The following PCDHA3 variants were observed in gnomAD, a reference collection of about 807,000 sequenced individuals.
PCDHA3 encodes the protein protocadherin alpha-3.
PCDHA3 carries 41 observed loss-of-function variants against 62.2 expected under a neutral mutation model. The ratio of observed to expected loss-of-function variants is 0.66; its 90% CI spans 0.51 to 0.86. The LOEUF is 0.86. Among genes scored for constraint, PCDHA3 ranks in the 40% least tolerant of loss-of-function variants. PCDHA3 has a pLI of 0.00. For synonymous variants in PCDHA3, 640 were observed against 555.4 expected, an observed-to-expected ratio of 1.15 and a Z score of -2.14; for missense variants, 1,304 against 1,241.2, an observed-to-expected ratio of 1.05 and a Z score of -0.76.
At chr5:140,887,679 C>G (rs2061539498) in intron 1 of PCDHA3, among the ~76,000 whole-genome samples, 1 of 152,058 alleles carries the variant, frequency 6.6e-6, no homozygotes, top group East Asian at 1.9e-4. Flanking sequence ...TCATTTTCAT[C>G]AAATTCAGGA....
At chr5:140,871,080 G>T (rs1554165086) in intron 1 of PCDHA3, 2 of 1,613,094 alleles carry the variant, frequency 1.2e-6, no homozygotes, top group Admixed American at 1.7e-5. Context: ...CGGCGCTGAC[G>T]GCCACGGCCA....
In PCDHA3 at chr5:140,858,343, G is replaced by A. The variant is rs1554151440; in HGVS notation, c.2394+54752G>A. On this transcript the variant is annotated intron_variant, in intron 1 of 3. Coordinates refer to ENST00000522353, the MANE Select transcript of PCDHA3 (RefSeq NM_018906.3). ...GTTCTGGGGAGGGCCTGCCCAAGGC[G>A]GACCTCATGGCCTTCAGCCCCAGCC... 9 of 1,594,924 alleles carry A rather than the reference G, an allele frequency of 5.6e-6. 1 individual carries two copies. The highest frequency in any genetic ancestry group is 6.9e-6 in the Non-Finnish European group (8 of 1,165,636).
chr5:140,806,081 A>G (rs1763681321), intron 1 of PCDHA3, among the ~76,000 whole-genome samples: 1 of 152,236 alleles, frequency 6.6e-6, no homozygotes, highest in Admixed American at 6.5e-5. Context: ...CAGTTTGTAA[A>G]AGAAGAAAAA....
Position 140,802,979 on chromosome 5 carries a change from G to A in PCDHA3, c.1782G>A (p.Val594=). 1 of 1,614,042 alleles carries A rather than the reference G, an allele frequency of 6.2e-7. No individual in the cohort carries two copies. The highest frequency in any genetic ancestry group is 8.5e-7 in the Non-Finnish European group (1 of 1,179,940). Residue 594 remains valine, a synonymous_variant, in exon 1 of 4, where the codon GTG becomes GTA. Coordinates refer to ENST00000522353, the MANE Select transcript of PCDHA3 (RefSeq NM_018906.3). ...SVGAGHVVAK[V]RAVDADSGYN... ...GTGCGGGCCACGTGGTAGCGAAGGT[G>A]CGCGCAGTGGATGCAGACTCAGGCT...
Position 140,808,605 on chromosome 5 carries a change from A to G in PCDHA3, c.2394+5014A>G, listed in dbSNP as rs1554124653. On this transcript the variant is annotated intron_variant, in intron 1 of 3. Coordinates refer to ENST00000522353, the MANE Select transcript of PCDHA3 (RefSeq NM_018906.3). ...AAGGAGAACAACCCGCCGGGCTGCC[A>G]CATCTTCACTGTGTCTGCGTGGGAC... 1 of 1,613,752 alleles carries G rather than the reference A, an allele frequency of 6.2e-7. No individual in the cohort carries two copies. The highest frequency in any genetic ancestry group is 2.2e-5 in the East Asian group (1 of 44,894).
rs782437392 is a variant in PCDHA3, at chr5:140,802,052, G to A, written c.855G>A (p.Met285Ile). 42 of 1,614,064 alleles carry A rather than the reference G, an allele frequency of 2.6e-5. No individual in the cohort carries two copies. The highest frequency in any genetic ancestry group is 3.3e-4 in the Middle Eastern group (2 of 6,084). ...TCGCGTATTCTTTCAATACGGACATGTCAGCAGATATTCTGTCAAAATTCC... is the reference window on the plus strand; with the variant it reads ...TCGCGTATTCTTTCAATACGGACATATCAGCAGATATTCTGTCAAAATTCC... ...KDIAYSFNTD[M>I]SADILSKFHL... is the part of the protein sequence containing the mutation. Residue 285 changes from methionine (M) to isoleucine (I), a missense_variant, in exon 1 of 4, where the codon ATG (methionine) becomes ATA (isoleucine). Transcript: ENST00000522353.
rs1762706585 is a variant in PCDHA3 at position 140,801,430 on chromosome 5, A to T, written c.233A>T (p.Asn78Ile). 4 of 1,613,746 alleles carry T rather than the reference A, an allele frequency of 2.5e-6. No individual in the cohort carries two copies. The highest frequency in any genetic ancestry group is 3.4e-6 in the Non-Finnish European group (4 of 1,180,046). Residue 78 changes from asparagine to isoleucine, a missense_variant, in exon 1 of 4, where the codon AAT (asparagine) becomes ATT (isoleucine). Physicochemically the swap from Asn to Ile is moderately radical, Grantham distance 149. Transcript: ENST00000522353. ...AGACACGGGGACCTTCTGGAGGTAA[A>T]TCTGCAGAATGGCATTTTGTTTGTG... Reference protein sequence around the residue: ...SKRHGDLLEVNLQNGILFVNS... With the variant: ...SKRHGDLLEVILQNGILFVNS...
chr5:140,950,708 T>A (rs1554219597), intron 1 of PCDHA3, among the ~76,000 whole-genome samples: 1 of 152,068 alleles, frequency 6.6e-6, no homozygotes, highest in East Asian at 1.9e-4. Context: ...AAATTTTTGT[T>A]CCTTATATCC....
At chr5:140,828,799 T>A in intron 1 of PCDHA3, 1 of 1,614,228 alleles carries the variant, frequency 6.2e-7, no homozygotes, top group Non-Finnish European at 8.5e-7. Flanking sequence ...TGGATGTGAA[T>A]GATAATGCTC....
intron 1 of PCDHA3, among the ~76,000 whole-genome samples, chr5:140,901,970 G>T (rs1178784932): frequency 1.3e-5 from 2 of 151,954 alleles, no homozygotes; most frequent in Non-Finnish European, 2.9e-5. Context: ...TCGTAAATGG[G>T]ATTACTTTTT....
At chr5:140,967,909 C>A in intron 1 of PCDHA3, 1 of 1,614,206 alleles carries the variant, frequency 6.2e-7, no homozygotes, top group Non-Finnish European at 8.5e-7. Flanking sequence ...CTACACCCAA[C>A]ACCATTGTGG....
At chr5:140,828,295 C>CA in intron 1 of PCDHA3, 1 of 1,614,124 alleles carries the variant, frequency 6.2e-7, no homozygotes, top group Non-Finnish European at 8.5e-7. Context: ...GGATGGCCTC[C>CA]AAAGACCGCG....
chr5:140,939,811 A>G (rs1554212933), intron 1 of PCDHA3, among the ~76,000 whole-genome samples: 1 of 152,224 alleles, frequency 6.6e-6, no homozygotes, highest in African/African-American at 2.4e-5. Context: ...CATGTTCAAG[A>G]AAAAGCAGTA....
At chr5:140,853,674 G>A (rs1554146796) in intron 1 of PCDHA3, 1 of 988,402 alleles carries the variant, frequency 1.0e-6, no homozygotes, top group East Asian at 1.1e-4. Flanking sequence ...GGGGCCTATG[G>A]TCAACCTATC....
At chr5:141,008,341 T>C (rs1307430556) in intron 3 of PCDHA3, among the ~76,000 whole-genome samples, 2 of 152,132 alleles carry the variant, frequency 1.3e-5, no homozygotes, top group African/African-American at 4.8e-5. Context: ...TGATGGAGCT[T>C]TTCACGTGTC....
chr5:140,809,368 C>T (rs1554125167), intron 1 of PCDHA3: 1 of 1,613,988 alleles, frequency 6.2e-7, no homozygotes, highest in Non-Finnish European at 8.5e-7. Context: ...CTGCGCTGCC[C>T]ACCGAGGGCG....
chr5:140,851,954 GGT>G, intron 1 of PCDHA3: 1 of 974,722 alleles, frequency 1.0e-6, no homozygotes, highest in Non-Finnish European at 1.2e-6. Flanking sequence ...CTTTCAAAAT[GGT>G]GGTTTTCCAC....
At chr5:140,909,470 C>T (rs566835545) in intron 1 of PCDHA3, among the ~76,000 whole-genome samples, 1 of 152,320 alleles carries the variant, frequency 6.6e-6, no homozygotes, top group African/African-American at 2.4e-5. Flanking sequence ...GTCTTCTTCA[C>T]AGGCTAAATA....
At chr5:140,862,667 AG>A in intron 1 of PCDHA3, 1 of 548,534 alleles carries the variant, frequency 1.8e-6, no homozygotes, top group Admixed American at 1.9e-5. Context: ...CGGGACGCGC[AG>A]GAGAACGTGC....
Sources: gnomAD v4.1 joint callset for allele counts (sites outside exome capture counted in the v4.1 genomes callset) on GRCh38, gnomAD v4.1.1 for gene constraint, MANE v1.5 for transcripts, NCBI Gene and HGNC (gene_info 2026-07-23, HGNC 2026-07-21) for gene names.